The following PKD1 variants were observed in gnomAD, a reference collection of about 807,000 sequenced individuals.
PKD1 encodes polycystin 1, transient receptor potential channel interacting.
A neutral mutation model predicts 361.7 loss-of-function variants in PKD1; 81 were observed. The ratio of observed to expected loss-of-function variants is 0.22; its 90% confidence interval spans 0.19 to 0.27. PKD1 has a LOEUF of 0.27. Among genes scored for constraint, PKD1 ranks in the 10% least tolerant of loss-of-function variants. The pLI is 1.00. For synonymous variants in PKD1, 3,615 were observed against 2,818.3 expected (o/e 1.28, Z -8.95); for missense variants, 6,399 against 6,118.3 (o/e 1.05, Z -1.53).
At position 2,106,945 on chromosome 16, in the gene PKD1, G is replaced by A; in HGVS notation, c.7069C>T (p.Leu2357=). The A allele has an allele frequency of 1.9e-6, 3 of 1,585,610 alleles. No homozygotes were observed. Among genetic ancestry groups the A allele is most frequent in the Non-Finnish European group, 2.6e-6 (3 of 1,171,716 alleles). The part of the protein sequence containing the change: ...RKEEATNQTV[L]IRSGRVPIVS... ...ATGGGCACCCGGCCACTCCGGATCA[G>A]CACCTGGCGTGGGAGTGGGGTTACC... is the stretch of plus-strand genomic sequence containing the variant. The change falls in exon 17 of 46, where the codon CTG becomes TTG. Residue 2357 remains leucine (L), a synonymous_variant. Transcript: ENST00000262304. The surrounding 1 kb of genome is among the most constrained non-coding windows in gnomAD (Gnocchi z 6.5).
chr16:2,126,923 G>T (rs1290354665), intron 1 of PKD1, among the ~76,000 whole-genome samples: 1 of 152,188 alleles, frequency 6.6e-6, no homozygotes, highest in African/African-American at 2.4e-5. Flanking sequence ...CCCACATTTG[G>T]CAGCGGTGCC....
intron 1 of PKD1, among the ~76,000 whole-genome samples, chr16:2,122,998 G>A (rs1025439541): frequency 1.3e-5 from 2 of 152,212 alleles, no homozygotes; most frequent in African/African-American, 4.8e-5. Context: ...AAGAGTGGCT[G>A]CTGCTGGGAG....
rs1432545419 is a variant in PKD1 at position 2,091,293 on chromosome 16, CCTGCGAGGGGGCGGGACG to C, written c.11712+112_11713-120del. ...GGGCGGGACGCTGCCGGGGCGGGGC[CCTGCGAGGGGGCGGGACG>C]CTGCGAGGGGGCGGGGCGCTGCGAG... On this transcript the variant is annotated intron_variant, in intron 42 of 45. Coordinates refer to ENST00000262304, the MANE Select transcript of PKD1 (RefSeq NM_001009944.3). The C allele has an allele frequency of 1.2e-3, 426 of 351,008 alleles. 1 individual carries two copies. Among genetic ancestry groups the C allele is most frequent in the Non-Finnish European group, 1.5e-3 (386 of 251,158 alleles). 21.7% of individuals were successfully genotyped at this position (351,008 alleles called of 1,614,324 possible).
In PKD1 at chr16:2,089,897, C is replaced by T. The variant is rs762295678; in HGVS notation, c.12742G>A (p.Gly4248Ser). 1.2e-5 allele frequency: 19 copies of T among 1,611,488 alleles called. 1 individual carries two copies. In the South Asian group the frequency reaches 2.0e-4, roughly 17 times the overall value. The change falls in exon 46 of 46, where the codon GGC becomes AGC. Residue 4248 changes from glycine (G) to serine (S), a missense_variant. Coordinates refer to ENST00000262304, the MANE Select transcript of PKD1 (RefSeq NM_001009944.3). The stretch of plus-strand genomic sequence containing the variant: ...GCGGGCGCCCGGCTGCTCCTGCGGC[C>T]TTGCAGGCTGTGCAGCTGCTGCTCC... Reference protein sequence around the residue: ...QLEQQLHSLQGRRSSRAPAGS... With the variant: ...QLEQQLHSLQSRRSSRAPAGS...
intron 44 of PKD1, 37 bp downstream of exon 44, chr16:2,090,637 G>C (rs547707456): frequency 6.2e-7 from 1 of 1,610,016 alleles, no homozygotes; most frequent in Non-Finnish European, 8.5e-7. Flanking sequence ...GAGCTGAGCT[G>C]AGCTAAGACG....
intron 20 of PKD1, 22 bp downstream of exon 20, chr16:2,105,843 T>G: frequency 6.3e-7 from 1 of 1,592,952 alleles, no homozygotes; most frequent in Non-Finnish European, 8.5e-7. Context: ...AGATGTGACG[T>G]CCCCTCCCAG....
In PKD1 at chr16:2,091,112, T is replaced by C; in HGVS notation, c.11775A>G (p.Glu3925=). ...CGAGCCGCAGCACGCGCCAGCGCCC[T>C]TCCCTGTGCCAAGTACGGGCCTCGG... The part of the protein sequence containing the change: ...AVAEARTWHR[E]GRWRVLRLGA... The change falls in exon 43 of 46, where the codon GAA becomes GAG. Residue 3925 remains glutamate (E), a synonymous_variant. Coordinates refer to ENST00000262304, the MANE Select transcript of PKD1 (RefSeq NM_001009944.3). 2 of 1,492,732 alleles carry C rather than the reference T, an allele frequency of 1.3e-6. No homozygotes were observed. The highest frequency in any genetic ancestry group is 1.8e-6 in the Non-Finnish European group (2 of 1,127,562). The allele number at this position is 1,492,732 out of a possible 1,614,324, so 92.5% of individuals were successfully genotyped here.
rs1446276903 is a variant in PKD1, at chr16:2,090,540, C to T, written c.12189G>A (p.Leu4063=). 1 of 1,610,196 alleles carries T rather than the reference C, an allele frequency of 6.2e-7. No individual in the cohort carries two copies. Among genetic ancestry groups the T allele is most frequent in the Non-Finnish European group, 8.5e-7 (1 of 1,179,462 alleles). The change falls in exon 45 of 46, where the codon TTG becomes TTA. Residue 4063 remains leucine, a synonymous_variant. Transcript: ENST00000262304. ...AGAGCCCAGTCCCAGGGCACAGCAC[C>T]AACAGGGCCTGGGCCACGCTCCAGA... The part of the protein sequence containing the change: ...DSLWSVAQAL[L]VLCPGTGLST...
intron 11 of PKD1, 196 bp downstream of exon 11, chr16:2,113,974 T>G (rs184528425): frequency 1.2e-4 from 71 of 604,730 alleles, no homozygotes; most frequent in Non-Finnish European, 2.0e-4. Context: ...GGAGCCACTG[T>G]CAGAGCCGTG....
At chr16:2,132,207 G>A (rs1189935875) in intron 1 of PKD1, among the ~76,000 whole-genome samples, 8 of 149,206 alleles carry the variant, frequency 5.4e-5, no homozygotes, top group African/African-American at 1.2e-4. Flanking sequence ...GTGAGATCGC[G>A]CCACTGCACT....
chr16:2,122,745 G>C (rs1275347791), intron 1 of PKD1, among the ~76,000 whole-genome samples: 2 of 152,216 alleles, frequency 1.3e-5, no homozygotes, highest in Non-Finnish European at 2.9e-5. Context: ...GCTTTAGGGA[G>C]AAATGAGGCA....
At chr16:2,125,534 G>C (rs930543678) in intron 1 of PKD1, among the ~76,000 whole-genome samples, 5 of 152,218 alleles carry the variant, frequency 3.3e-5, no homozygotes, top group African/African-American at 4.8e-5. Flanking sequence ...GGGACCCACA[G>C]GCAGGCACAG....
At chr16:2,098,512 T>A (rs1458577625) in intron 30 of PKD1, among the ~76,000 whole-genome samples, 2,082 of 95,212 alleles carry the variant, frequency 0.022, 1 homozygote, top group Middle Eastern at 0.065. Flanking sequence ...CACCCGGCCA[T>A]CGTTCCATTT....
rs983082128 is a variant in PKD1 at position 2,107,687 on chromosome 16, G to C, written c.7065+196C>G. 2.5e-5 allele frequency: 16 copies of C among 651,718 alleles called. No individual in the cohort carries two copies. The Admixed American group carries it at 2.8e-4, about 11-fold the overall frequency. The allele number at this position is 651,718 out of a possible 1,614,324, so 40.4% of individuals were successfully genotyped here. On this transcript the variant is annotated intron_variant, in intron 16 of 45. Transcript: ENST00000262304. ...TTTGCCACTAGAGCATATGTGGCTT[G>C]AAGACTGTACGTGGAACTGTGGCAG...
rs563971380 is a variant in PKD1, at chr16:2,109,866, G to A, written c.5301C>T (p.Thr1767=). ...GLSWETSEPF[T]THSFPTPGLH... is the part of the protein sequence containing the mutation. The stretch of plus-strand genomic sequence containing the variant: ...GGCCGGGTGTGGGGAAGCTATGGGT[G>A]GTAAATGGCTCGGAGGTCTCCCAGC... Residue 1767 remains threonine (T), a synonymous_variant, in exon 15 of 46, where the codon ACC becomes ACT. Coordinates refer to ENST00000262304, the MANE Select transcript of PKD1 (RefSeq NM_001009944.3). The A allele has an allele frequency of 6.8e-6, 11 of 1,610,684 alleles. No individual in the cohort carries two copies. The highest frequency in any genetic ancestry group is 2.2e-5 in the East Asian group (1 of 44,882).
chr16:2,101,601 G>C lies in PKD1; in HGVS notation c.9397+460C>G, dbSNP rs924502214. ...CCATTGCACTCCAGCCTGGGCAACA[G>C]AGTGAGACTCCGTCTCTAAAAAAAG... is the stretch of plus-strand genomic sequence containing the variant. On this transcript the variant is annotated intron_variant, in intron 26 of 45. Transcript: ENST00000262304. Among the ~76,000 whole-genome samples the C allele has an allele frequency of 5.9e-5, 9 of 152,248 alleles. No homozygotes were observed. In the East Asian group the frequency reaches 9.6e-4, roughly 16 times the overall value.
chr16:2,129,291 C>T (rs2092838062), intron 1 of PKD1, among the ~76,000 whole-genome samples: 1 of 151,112 alleles, frequency 6.6e-6, no homozygotes, highest in South Asian at 2.1e-4. Context: ...TCCCAACTAG[C>T]TGGGACTACA....
chr16:2,098,333 T>C (rs1371696438), intron 30 of PKD1: 136 of 378,136 alleles, frequency 3.6e-4, no homozygotes, highest in Admixed American at 1.0e-3. Context: ...CTCAGCCTCC[T>C]GAGTAGCTGG....
intron 20 of PKD1, 31 bp downstream of exon 20, chr16:2,105,834 G>C (rs779994703): frequency 5.0e-6 from 8 of 1,588,814 alleles, no homozygotes; most frequent in Admixed American, 1.7e-5. Flanking sequence ...GCATGCAGCA[G>C]ATGTGACGTC....
Sources: gnomAD v4.1 joint callset for allele counts (sites outside exome capture counted in the v4.1 genomes callset) on GRCh38, gnomAD v4.1.1 for gene constraint, Gnocchi (gnomAD v3.1) non-coding constraint, MANE v1.5 for transcripts, NCBI Gene and HGNC (gene_info 2026-07-23, HGNC 2026-07-21) for gene names.